The following FAM20C variants were observed in gnomAD, a reference collection of about 807,000 sequenced individuals.
FAM20C encodes extracellular serine/threonine protein kinase FAM20C.
A neutral mutation model predicts 51.5 loss-of-function variants in FAM20C; 40 were observed. The observed-to-expected ratio is 0.78, with a 90% CI of 0.60 to 1.01. FAM20C has a LOEUF of 1.01. FAM20C is among the 50% of genes least tolerant of loss of function. FAM20C has a pLI of 0.00. For synonymous variants in FAM20C, 406 were observed against 380.6 expected (o/e 1.07, Z -0.78); for missense variants, 861 against 844.7 (o/e 1.02, Z -0.24).
At chr7:249,380 C>T (rs548075546) in intron 5 of FAM20C, among the ~76,000 whole-genome samples, 7 of 152,364 alleles carry the variant, frequency 4.6e-5, no homozygotes, top group South Asian at 4.1e-4. Flanking sequence ...CAAGACTCTA[C>T]GTGATAAGTA....
intron 2 of FAM20C, among the ~76,000 whole-genome samples, chr7:208,399 G>A (rs571168795): frequency 6.7e-6 from 1 of 150,184 alleles, no homozygotes; most frequent in South Asian, 2.1e-4. Flanking sequence ...ACATGACTGT[G>A]GGGTGTGTGC....
intron 2 of FAM20C, among the ~76,000 whole-genome samples, chr7:205,347 G>T (rs938260321): frequency 7.7e-6 from 1 of 130,344 alleles, no homozygotes; most frequent in Non-Finnish European, 1.6e-5. Flanking sequence ...GACACGCACC[G>T]CCACGACGTC....
chr7:242,581 C>A (rs984946092), intron 3 of FAM20C, among the ~76,000 whole-genome samples: 2 of 151,958 alleles, frequency 1.3e-5, no homozygotes, highest in African/African-American at 4.8e-5. Flanking sequence ...GGCCAGGGAG[C>A]GGGATGGACA....
At chr7:223,932 C>T (rs1295248998) in intron 3 of FAM20C, among the ~76,000 whole-genome samples, 4 of 152,186 alleles carry the variant, frequency 2.6e-5, no homozygotes, top group Non-Finnish European at 5.9e-5. Context: ...TGAGGGGCAC[C>T]TGGGACCCCT....
chr7:235,074 A>G (rs1787808982), intron 3 of FAM20C, among the ~76,000 whole-genome samples: 1 of 151,934 alleles, frequency 6.6e-6, no homozygotes, highest in African/African-American at 2.4e-5. Flanking sequence ...ATGTCACATC[A>G]CGTTAGCCCA....
chr7:225,673 C>T (rs112919458), intron 3 of FAM20C, among the ~76,000 whole-genome samples: 3 of 13,340 alleles, frequency 2.2e-4, no homozygotes, highest in African/African-American at 6.0e-4. Context: ...AGAACGGCAC[C>T]GTCACGGGGT....
At chr7:248,237 T>G in intron 4 of FAM20C, 78 bp from the exon 5 acceptor site, 4 of 1,016,920 alleles carry the variant, frequency 3.9e-6, no homozygotes, top group Non-Finnish European at 5.8e-6. Flanking sequence ...CCCTGCCCCG[T>G]TCTTATTTGG....
At chr7:258,273 G>C (rs1310143622) in intron 8 of FAM20C, among the ~76,000 whole-genome samples, 9 of 130,236 alleles carry the variant, frequency 6.9e-5, no homozygotes, top group Non-Finnish European at 9.6e-5. Context: ...GATAGGCAGG[G>C]TGGACCCACT....
At chr7:249,809 C>A (rs965346714) in intron 5 of FAM20C, among the ~76,000 whole-genome samples, 2 of 152,172 alleles carry the variant, frequency 1.3e-5, no homozygotes, top group African/African-American at 2.4e-5. Flanking sequence ...TCTCCAAGCG[C>A]CTCTCTGGTA....
Position 208,879 on chromosome 7 carries a change from C to T in FAM20C, c.785-19C>T. On this transcript the variant is annotated intron_variant, in intron 2 of 9. Coordinates refer to ENST00000313766, the MANE Select transcript of FAM20C (RefSeq NM_020223.4). ...GTGAGGCCAGAGAGTGACCCTGTTTCTCTCCCTCCTTCCTGCAGCCATGAA... is the reference window on the plus strand; with the variant it reads ...GTGAGGCCAGAGAGTGACCCTGTTTTTCTCCCTCCTTCCTGCAGCCATGAA... 1.9e-6 allele frequency: 3 copies of T among 1,559,090 alleles called. No homozygotes were observed. Among genetic ancestry groups the T allele is most frequent in the Non-Finnish European group, 2.6e-6 (3 of 1,151,338 alleles).
At chr7:219,582 G>A (rs908368144) in intron 3 of FAM20C, among the ~76,000 whole-genome samples, 15 of 152,192 alleles carry the variant, frequency 9.9e-5, no homozygotes, top group African/African-American at 3.6e-4. Context: ...CCCTCCTGGG[G>A]CCTTGGCTGA....
rs2115033783 is a variant in FAM20C at position 192,965 on chromosome 7, G to A, written c.-235G>A. The A allele has an allele frequency of 5.8e-6, 1 of 171,174 alleles. No individual in the cohort carries two copies. The highest frequency in any genetic ancestry group is 2.0e-4 in the South Asian group (1 of 5,108). The allele number at this position is 171,174 out of a possible 1,614,324, so 10.6% of individuals were successfully genotyped here. A position where few individuals can be genotyped will look rare whatever the true frequency, so the allele number is the denominator to read the frequency against. On this transcript the variant is annotated 5_prime_UTR_variant, in exon 1 of 10. Transcript: ENST00000313766. ...CAGGACCCCTGGGCTCCCCGGCTGA[G>A]GGCGCGGCCGCTCCGGAGAGGCCGA...
Position 211,929 on chromosome 7 carries a change from C to T in FAM20C, c.863+2953C>T, listed in dbSNP as rs28689829. On this transcript the variant is annotated intron_variant, in intron 3 of 9. Transcript: ENST00000313766. ...AAACCTCCCAGCTCGGTCCTCTCAC[C>T]GCCGCCCCCCAGGTCAGGTTAGGGC... Among the ~76,000 whole-genome samples, 796 of 148,312 alleles carry T rather than the reference C, an allele frequency of 5.4e-3. 6 individuals carry two copies. Among genetic ancestry groups the T allele is most frequent in the African/African-American group, 0.02 (765 of 39,010 alleles).
intron 5 of FAM20C, among the ~76,000 whole-genome samples, chr7:254,453 CAAAT>C (rs943034181): frequency 3.9e-5 from 6 of 152,214 alleles, no homozygotes; most frequent in Admixed American, 1.3e-4. Context: ...TCTCCACAAA[CAAAT>C]AAAGCAAGAA....
intron 3 of FAM20C, among the ~76,000 whole-genome samples, chr7:213,261 T>C (rs763532325): frequency 2.2e-4 from 33 of 151,796 alleles, no homozygotes; most frequent in Non-Finnish European, 3.7e-4. Context: ...CAGTGTGTAG[T>C]TCTTTGTGAG....
At position 228,476 on chromosome 7, in the gene FAM20C, C is replaced by A. The variant is rs544432926; in HGVS notation, c.864-17939C>A. On this transcript the variant is annotated intron_variant, in intron 3 of 9. Transcript: ENST00000313766. Reference sequence around the variant, plus strand: ...GTGTCACGGCTCAGTGTGGGGTCAACAAGCCAGGTCCGTGTCCCTGTCCCT... The same window carrying A: ...GTGTCACGGCTCAGTGTGGGGTCAAAAAGCCAGGTCCGTGTCCCTGTCCCT... 1.0e-4 allele frequency: 46 copies of A among 456,158 alleles called. No individual in the cohort carries two copies. In the East Asian group the frequency reaches 2.8e-3, roughly 28 times the overall value. 28.3% of individuals were successfully genotyped at this position (456,158 alleles called of 1,614,324 possible). A position where few individuals can be genotyped will look rare whatever the true frequency, so the allele number is the denominator to read the frequency against.
intron 3 of FAM20C, among the ~76,000 whole-genome samples, chr7:231,352 C>T (rs1787667762): frequency 6.6e-6 from 1 of 152,082 alleles, no homozygotes; most frequent in African/African-American, 2.4e-5. Context: ...AGTGGGGCCC[C>T]ATGGGAGGAG....
At chr7:205,708 C>T (rs976776612) in intron 2 of FAM20C, among the ~76,000 whole-genome samples, 1 of 152,168 alleles carries the variant, frequency 6.6e-6, no homozygotes, top group Non-Finnish European at 1.5e-5. Flanking sequence ...AGTACCAGCT[C>T]CTCCCTTGTG....
At position 193,115 on chromosome 7, in the gene FAM20C, G is replaced by C; in HGVS notation, c.-85G>C. 8.0e-7 allele frequency: 1 copy of C among 1,252,962 alleles called. No homozygotes were observed. The highest frequency in any genetic ancestry group is 1.0e-6 in the Non-Finnish European group (1 of 970,734). The allele number at this position is 1,252,962 out of a possible 1,614,324, so 77.6% of individuals were successfully genotyped here. Reference sequence around the variant, plus strand: ...CCGGCACCGATGGACCTTGACCCGCGAGGCGGCGCCGCGCTCGTGCCCAGC... The same window carrying C: ...CCGGCACCGATGGACCTTGACCCGCCAGGCGGCGCCGCGCTCGTGCCCAGC... On this transcript the variant is annotated 5_prime_UTR_variant, in exon 1 of 10. Transcript: ENST00000313766.
Sources: allele counts gnomAD v4.1 joint callset (sites outside exome capture counted in the v4.1 genomes callset), GRCh38; gene constraint gnomAD v4.1.1; transcripts MANE v1.5; gene names NCBI Gene and HGNC (gene_info 2026-07-23, HGNC 2026-07-21).